Variants in VIRMA observed in about 807,000 individuals in gnomAD.
VIRMA encodes vir like m6A methyltransferase associated.
VIRMA carries 65 observed loss-of-function variants against 182.4 expected under a neutral mutation model. That is an observed-to-expected ratio of 0.36 (90% CI 0.29 to 0.44). The LOEUF (loss-of-function observed/expected upper bound fraction) is 0.44. Among genes scored for constraint, VIRMA ranks in the 20% least tolerant of loss-of-function variants. The pLI is 1.00. For missense variants in VIRMA, 1,752 were observed against 2,158.1 expected (o/e 0.81, Z 3.73); for synonymous variants, 709 against 743.1 (o/e 0.95, Z 0.75).
At position 94,487,709 on chromosome 8, in the gene VIRMA, T is replaced by C. The variant is rs1292877659; in HGVS notation, c.*997A>G. ...ACTCCTTTTCTGATTAAGATAACTC[T>C]GTATTTTACGCCACTTATATAGACT... On this transcript the variant is annotated 3_prime_UTR_variant, in exon 24 of 24. Transcript: ENST00000297591. 1 of 152,246 alleles carries C rather than the reference T, an allele frequency of 6.6e-6. No homozygotes were observed. Among genetic ancestry groups the C allele is most frequent in the African/African-American group, 2.4e-5 (1 of 41,464 alleles). 9.4% of individuals were successfully genotyped at this position (152,246 alleles called of 1,614,324 possible). A position where few individuals can be genotyped will look rare whatever the true frequency, so the allele number is the denominator to read the frequency against.
intron 1 of VIRMA, among the ~76,000 whole-genome samples, chr8:94,549,301 T>C (rs1749102964): frequency 6.6e-6 from 1 of 152,216 alleles, no homozygotes; most frequent in Non-Finnish European, 1.5e-5. Context: ...AACTAATAAA[T>C]GTCTCTTCTC....
rs751047827 is a variant in VIRMA at position 94,527,112 on chromosome 8, C to T, written c.1132G>A (p.Ala378Thr). The change falls in exon 8 of 24, where the codon GCA (alanine) becomes ACA (threonine). Residue 378 changes from alanine (A) to threonine (T), a missense_variant. By Grantham distance (58) the Ala-to-Thr change is moderately conservative. Around this residue, in one of 11 missense-constraint regions of VIRMA, gnomAD observed 401 missense variants for 455.1 expected, o/e 0.88. Transcript: ENST00000297591. ...GTTAACTTCACTGAGGCTTCGATTG[C>T]CCCTGAATTTTCTTTATCTGGACCT... Reference protein sequence around the residue: ...DQGPDKENSGAIEASVKLTEL... With the variant: ...DQGPDKENSGTIEASVKLTEL... The T allele has an allele frequency of 5.6e-6, 9 of 1,613,996 alleles. No individual in the cohort carries two copies. Among genetic ancestry groups the T allele is most frequent in the Non-Finnish European group, 7.6e-6 (9 of 1,180,028 alleles).
chr8:94,546,310 C>G (rs1815762208), intron 1 of VIRMA, among the ~76,000 whole-genome samples: 1 of 151,052 alleles, frequency 6.6e-6, no homozygotes, highest in Non-Finnish European at 1.5e-5. Context: ...GTGCACCAAA[C>G]TCAACAAATC....
chr8:94,519,639 A>G (rs538899911), intron 8 of VIRMA, among the ~76,000 whole-genome samples, 163 bp from the exon 9 acceptor site: 1 of 152,338 alleles, frequency 6.6e-6, no homozygotes, highest in Non-Finnish European at 1.5e-5. Context: ...AGTCTTCTCT[A>G]GATGAGGCCA....
intron 6 of VIRMA, among the ~76,000 whole-genome samples, chr8:94,530,513 A>G (rs957677103): frequency 1.3e-5 from 2 of 151,962 alleles, no homozygotes; most frequent in African/African-American, 4.8e-5. Context: ...AAAAAAAAGA[A>G]AAAAGAAAGA....
At chr8:94,520,619 T>C (rs1191192563) in intron 8 of VIRMA, among the ~76,000 whole-genome samples, 1 of 152,216 alleles carries the variant, frequency 6.6e-6, no homozygotes, top group Non-Finnish European at 1.5e-5. Flanking sequence ...TTGTACTATG[T>C]ATTATAAGTA....
intron 22 of VIRMA, among the ~76,000 whole-genome samples, chr8:94,491,085 G>T (rs1448585206): frequency 6.6e-6 from 1 of 151,122 alleles, no homozygotes; most frequent in African/African-American, 2.5e-5. Context: ...AAGCCAAGGG[G>T]GGTGAATCAC....
At chr8:94,533,872 CT>C (rs1168127949) in intron 5 of VIRMA, 1 of 152,122 alleles carries the variant, frequency 6.6e-6, no homozygotes, top group African/African-American at 2.4e-5. Context: ...CTGCAGCTGG[CT>C]ATGAATCTCA....
chr8:94,495,116 T>C (rs997751215), intron 19 of VIRMA, among the ~76,000 whole-genome samples, 160 bp from the exon 20 acceptor site: 7 of 152,064 alleles, frequency 4.6e-5, no homozygotes, highest in Admixed American at 3.9e-4. Context: ...TCCTCCCACC[T>C]TAGCCTCCCT....
chr8:94,528,530 G>T (rs1015730813), intron 7 of VIRMA, among the ~76,000 whole-genome samples: 10 of 152,208 alleles, frequency 6.6e-5, no homozygotes, highest in African/African-American at 2.4e-4. Context: ...CAATTAGCTT[G>T]AGTATCTCTC....
chr8:94,539,818 T>A (rs1459777433), intron 2 of VIRMA, among the ~76,000 whole-genome samples: 19 of 152,158 alleles, frequency 1.2e-4, no homozygotes, highest in Admixed American at 1.2e-3. Flanking sequence ...CATGAATGAA[T>A]GAATGTTGTT....
chr8:94,526,897 G>C lies in VIRMA; in HGVS notation c.1347C>G (p.Ile449Met). The part of the protein sequence containing the change: ...LNLQVALRQP[I>M]ALNVRQLKAG... ...CTTTGAGCTGTCGAACATTTAAGGC[G>C]ATAGGTTGGCGAAGCGCTACTTGTA... The change falls in exon 8 of 24, where the codon ATC (isoleucine) becomes ATG (methionine). Residue 449 changes from isoleucine to methionine, a missense_variant. Coordinates refer to ENST00000297591, the MANE Select transcript of VIRMA (RefSeq NM_015496.5). 6.2e-7 allele frequency: 1 copy of C among 1,614,220 alleles called. No individual in the cohort carries two copies. Among genetic ancestry groups the C allele is most frequent in the Non-Finnish European group, 8.5e-7 (1 of 1,180,028 alleles).
At chr8:94,489,777 T>TA (rs1040830208) in intron 23 of VIRMA, among the ~76,000 whole-genome samples, 162 bp downstream of exon 23, 2 of 152,214 alleles carry the variant, frequency 1.3e-5, no homozygotes, top group African/African-American at 4.8e-5. Context: ...TAGCAGTAGT[T>TA]AAGTTTTGGG....
At chr8:94,542,953 G>A (rs1815613834) in intron 2 of VIRMA, among the ~76,000 whole-genome samples, 2 of 152,106 alleles carry the variant, frequency 1.3e-5, no homozygotes, top group African/African-American at 4.8e-5. Context: ...TTGTTGCCCA[G>A]GCTAGAGTGC....
rs568500427 is a variant in VIRMA at position 94,531,147 on chromosome 8, G to T, written c.485-62C>A. The stretch of plus-strand genomic sequence containing the variant: ...ATTACAGATGACCCCCGAACAACAT[G>T]GCTTTGAACTGTGTGGGTCCACTTA... On this transcript the variant is annotated intron_variant, in intron 5 of 23. Transcript: ENST00000297591. 16 of 1,464,054 alleles carry T rather than the reference G, an allele frequency of 1.1e-5. No homozygotes were observed. The South Asian group carries it at 1.9e-4, about 18-fold the overall frequency. 90.7% of individuals were successfully genotyped at this position (1,464,054 alleles called of 1,614,324 possible).
intron 17 of VIRMA, chr8:94,498,316 G>C (rs1313883399): frequency 6.6e-6 from 1 of 152,034 alleles, no homozygotes. Flanking sequence ...ATATTTGTAC[G>C]ATAGACCAAA....
chr8:94,505,214 C>T (rs1814114145), intron 16 of VIRMA, among the ~76,000 whole-genome samples: 1 of 152,092 alleles, frequency 6.6e-6, no homozygotes, highest in African/African-American at 2.4e-5. Flanking sequence ...CAAGGAGATG[C>T]AGAAAGGAAG....
chr8:94,491,864 C>T lies in VIRMA; in HGVS notation c.4854G>A (p.Val1618=), dbSNP rs1056690867. ...YIEPAKRAHV[V]PPPRGRGRGG... The stretch of plus-strand genomic sequence containing the variant: ...CCCTGCCCCTTCCTCTTGGTGGTGG[C>T]ACAACATGAGCTCTTTTGGCAGGTT... The change falls in exon 22 of 24, where the codon GTG becomes GTA. Residue 1618 remains valine, a synonymous_variant. Coordinates refer to ENST00000297591, the MANE Select transcript of VIRMA (RefSeq NM_015496.5). The T allele has an allele frequency of 6.2e-7, 1 of 1,611,626 alleles. No individual in the cohort carries two copies. The highest frequency in any genetic ancestry group is 1.7e-5 in the Admixed American group (1 of 59,726).
At chr8:94,521,764 C>T (rs1344440374) in intron 8 of VIRMA, among the ~76,000 whole-genome samples, 1 of 152,164 alleles carries the variant, frequency 6.6e-6, no homozygotes, top group African/African-American at 2.4e-5. Flanking sequence ...CAGGCTTCTA[C>T]TTCACAATAA....
Sources: allele counts gnomAD v4.1 joint callset (sites outside exome capture counted in the v4.1 genomes callset), GRCh38; gene constraint gnomAD v4.1.1; regional missense constraint gnomAD v4.1.1; transcripts MANE v1.5; gene names NCBI Gene and HGNC (gene_info 2026-07-23, HGNC 2026-07-21).